PRKD1: variants seen among roughly 807,000 people sequenced by gnomAD.
PRKD1 encodes the protein serine/threonine-protein kinase D1.
A neutral mutation model predicts 95.9 loss-of-function variants in PRKD1; 63 were observed. The ratio of observed to expected loss-of-function variants is 0.66; its 90% CI spans 0.54 to 0.81. The LOEUF (loss-of-function observed/expected upper bound fraction) is 0.81, where lower values mean the gene tolerates loss of function less well. PRKD1 is among the 30% of genes least tolerant of loss of function. The pLI is 0.00. For synonymous variants in PRKD1, 425 were observed against 423.1 expected (o/e 1.00, Z -0.05); for missense variants, 1,048 against 1,165.3 (o/e 0.90, Z 1.47).
chr14:29,768,629 C>T (rs1362503357), intron 1 of PRKD1, among the ~76,000 whole-genome samples: 1 of 151,912 alleles, frequency 6.6e-6, no homozygotes, highest in Non-Finnish European at 1.5e-5. Context: ...CCTACGAGTT[C>T]ACCCACTATT....
intron 16 of PRKD1, among the ~76,000 whole-genome samples, chr14:29,595,269 C>T (rs1017599102): frequency 2.6e-5 from 4 of 152,190 alleles, no homozygotes; most frequent in African/African-American, 9.6e-5. Context: ...TGCTATGTCT[C>T]TTTCTTTCCA....
intron 1 of PRKD1, among the ~76,000 whole-genome samples, chr14:29,770,895 G>A (rs1888471529): frequency 1.6e-5 from 2 of 128,148 alleles, no homozygotes; most frequent in African/African-American, 6.2e-5. Context: ...TCGTGCCACT[G>A]CACTCCAGCC....
intron 1 of PRKD1, among the ~76,000 whole-genome samples, chr14:29,766,895 A>T (rs1888283327): frequency 6.6e-6 from 1 of 152,134 alleles, no homozygotes; most frequent in Non-Finnish European, 1.5e-5. Context: ...ACTGCATTGG[A>T]TTTAGAAATT....
intron 2 of PRKD1, among the ~76,000 whole-genome samples, chr14:29,678,480 T>C (rs6571318): frequency 0.034 from 5,201 of 152,280 alleles, 172 homozygotes; most frequent in African/African-American, 0.083. Context: ...TTAAATTGTA[T>C]GCATTCTGAA....
intron 2 of PRKD1, among the ~76,000 whole-genome samples, chr14:29,721,151 A>G (rs989692197): frequency 1.3e-5 from 2 of 152,174 alleles, no homozygotes; most frequent in Non-Finnish European, 2.9e-5. Flanking sequence ...GAATAGGCCC[A>G]CGCCTCTTCT....
intron 1 of PRKD1, among the ~76,000 whole-genome samples, chr14:29,926,829 T>C (rs942444127): frequency 2.0e-5 from 3 of 151,972 alleles, no homozygotes; most frequent in Non-Finnish European, 4.4e-5. Context: ...TCCAGGTCAT[T>C]CCGGGGGCAC....
chr14:29,688,801 C>T (rs972974677), intron 2 of PRKD1, among the ~76,000 whole-genome samples: 53 of 151,598 alleles, frequency 3.5e-4, no homozygotes, highest in Admixed American at 2.3e-3. Context: ...GGCGTGGCAG[C>T]GTGCACCTGT....
Position 29,638,747 on chromosome 14 carries a change from T to G in PRKD1, c.854A>C (p.Gln285Pro). The change falls in exon 5 of 18, where the codon CAG becomes CCG. Residue 285 changes from glutamine to proline, a missense_variant. Physicochemically the swap from Gln to Pro is moderately conservative, Grantham distance 76. Transcript: ENST00000331968. ...CCCCTTCAGAAGCTTCTTGCAGTACTGGCACACTGTGGGCCGGGTGTAGGA... is the reference window on the plus strand; with the variant it reads ...CCCCTTCAGAAGCTTCTTGCAGTACGGGCACACTGTGGGCCGGGTGTAGGA... ...IHSYTRPTVC[Q>P]YCKKLLKGLF... 1 of 1,614,144 alleles carries G rather than the reference T, an allele frequency of 6.2e-7. No individual in the cohort carries two copies. The highest frequency in any genetic ancestry group is 1.1e-5 in the South Asian group (1 of 91,088).
At chr14:29,910,865 C>T (rs1371864539) in intron 1 of PRKD1, among the ~76,000 whole-genome samples, 1 of 152,050 alleles carries the variant, frequency 6.6e-6, no homozygotes, top group East Asian at 1.9e-4. Context: ...GGTGTTTGTG[C>T]AACTTTAATC....
chr14:29,922,637 A>G (rs940748935), intron 1 of PRKD1, among the ~76,000 whole-genome samples: 1 of 152,044 alleles, frequency 6.6e-6, no homozygotes, highest in Non-Finnish European at 1.5e-5. Flanking sequence ...CAATCCCAGC[A>G]CTTTGGAAGG....
At chr14:29,921,009 T>C (rs1018045412) in intron 1 of PRKD1, among the ~76,000 whole-genome samples, 6 of 152,212 alleles carry the variant, frequency 3.9e-5, no homozygotes, top group Non-Finnish European at 2.9e-5. Context: ...GCTTTAAATT[T>C]TGGTCTTGAG....
At chr14:29,800,733 C>T (rs190726676) in intron 1 of PRKD1, among the ~76,000 whole-genome samples, 37 of 152,196 alleles carry the variant, frequency 2.4e-4, no homozygotes, top group Admixed American at 2.0e-3. Context: ...GTATCTTCAA[C>T]AATTTTATAA....
At chr14:29,641,196 G>T (rs1409228732) in intron 4 of PRKD1, among the ~76,000 whole-genome samples, 1 of 152,108 alleles carries the variant, frequency 6.6e-6, no homozygotes, top group Non-Finnish European at 1.5e-5. Context: ...TGTGTCCTTG[G>T]CACAGAATAT....
intron 16 of PRKD1, among the ~76,000 whole-genome samples, chr14:29,580,755 C>T (rs763413920): frequency 6.6e-6 from 1 of 152,082 alleles, no homozygotes; most frequent in Non-Finnish European, 1.5e-5. Flanking sequence ...TTCCAATATT[C>T]TCTTTACTGG....
chr14:29,598,090 C>T (rs1046035004), intron 15 of PRKD1, among the ~76,000 whole-genome samples: 4 of 150,788 alleles, frequency 2.7e-5, no homozygotes, highest in Admixed American at 1.3e-4. Flanking sequence ...AGTCTAGGCA[C>T]ATAGTGAGAC....
At chr14:29,909,214 G>C (rs1197403152) in intron 1 of PRKD1, among the ~76,000 whole-genome samples, 1 of 152,068 alleles carries the variant, frequency 6.6e-6, no homozygotes, top group Non-Finnish European at 1.5e-5. Context: ...ATTCTCGCAG[G>C]GCCTCAGCTG....
intron 1 of PRKD1, among the ~76,000 whole-genome samples, chr14:29,891,646 T>A (rs762644287): frequency 6.6e-6 from 1 of 151,770 alleles, no homozygotes; most frequent in East Asian, 1.9e-4. Flanking sequence ...TACTGGATGG[T>A]AAATTTTTGG....
intron 2 of PRKD1, among the ~76,000 whole-genome samples, chr14:29,714,207 G>T (rs577657110): frequency 6.6e-6 from 1 of 152,098 alleles, no homozygotes. Context: ...AAGGTATGAG[G>T]AATTTGTGCT....
chr14:29,658,689 T>G (rs900058297), intron 4 of PRKD1, among the ~76,000 whole-genome samples: 1 of 152,176 alleles, frequency 6.6e-6, no homozygotes, highest in African/African-American at 2.4e-5. Context: ...GTTTTTCCCT[T>G]AAAGGAAGAT....
Sources: allele counts gnomAD v4.1 joint callset (sites outside exome capture counted in the v4.1 genomes callset), GRCh38; gene constraint gnomAD v4.1.1; transcripts MANE v1.5; gene names NCBI Gene and HGNC (gene_info 2026-07-23, HGNC 2026-07-21).